CYFIP2: variants seen among roughly 807,000 people sequenced by gnomAD.
The protein encoded by CYFIP2 is cytoplasmic FMR1-interacting protein 2.
A neutral mutation model predicts 158.7 loss-of-function variants in CYFIP2; 29 were observed. The observed-to-expected ratio is 0.18, with a 90% CI of 0.14 to 0.25. CYFIP2 has a LOEUF of 0.25. Ranked by LOEUF, CYFIP2 falls within the 10% of genes least tolerant of loss-of-function variation. The probability of loss-of-function intolerance (pLI) is 1.00; values close to 1 mark genes in which losing one functional copy is unlikely to be tolerated. For synonymous variants in CYFIP2, 585 were observed against 617.6 expected (o/e 0.95, Z 0.78); for missense variants, 852 against 1,639.5 (o/e 0.52, Z 8.29).
Position 157,368,021 on chromosome 5 carries a change from G to A in CYFIP2, c.3039+6423G>A, listed in dbSNP as rs112377956. On this transcript the variant is annotated intron_variant, in intron 26 of 30. Transcript: ENST00000620254. ...GATCTGCCCACCTCGGCCTCCCGAA[G>A]TGCTGGGATTACAGGCATGAGCCAC... Among the ~76,000 whole-genome samples the A allele has an allele frequency of 1.7e-3, 252 of 152,092 alleles. 1 individual carries two copies. Among genetic ancestry groups the A allele is most frequent in the African/African-American group, 5.8e-3 (239 of 41,474 alleles).
intron 26 of CYFIP2, among the ~76,000 whole-genome samples, chr5:157,372,408 A>G (rs901037363): frequency 2.0e-5 from 3 of 152,146 alleles, no homozygotes; most frequent in Non-Finnish European, 4.4e-5. Flanking sequence ...GGTTATAAGG[A>G]TATTCATTAT....
chr5:157,385,199 G>A (rs910892652), intron 28 of CYFIP2, among the ~76,000 whole-genome samples: 1 of 152,204 alleles, frequency 6.6e-6, no homozygotes, highest in Non-Finnish European at 1.5e-5. Flanking sequence ...TCCACTTAGA[G>A]GACTGTGAAT....
chr5:157,382,671 C>G lies in CYFIP2; in HGVS notation c.3112+9C>G. On this transcript the variant is annotated intron_variant, in intron 27 of 30. Transcript: ENST00000620254. Reference sequence around the variant, plus strand: ...TAGAGTCTACATCAAAGGTAAGAAACCACTACAGCAGCTGAATAGCCAACT... The same window carrying G: ...TAGAGTCTACATCAAAGGTAAGAAAGCACTACAGCAGCTGAATAGCCAACT... 6.2e-7 allele frequency: 1 copy of G among 1,613,486 alleles called. No individual in the cohort carries two copies. The highest frequency in any genetic ancestry group is 8.5e-7 in the Non-Finnish European group (1 of 1,179,570).
intron 26 of CYFIP2, among the ~76,000 whole-genome samples, chr5:157,368,653 T>C (rs113484263): frequency 1.3e-3 from 159 of 117,800 alleles, no homozygotes; most frequent in African/African-American, 5.0e-3. Context: ...TTTTCAGAAA[T>C]GGCCTTATCT....
At chr5:157,367,996 G>C (rs1250967039) in intron 26 of CYFIP2, among the ~76,000 whole-genome samples, 1 of 151,958 alleles carries the variant, frequency 6.6e-6, no homozygotes, top group Non-Finnish European at 1.5e-5. Context: ...GACCTCAAGT[G>C]ATCTGCCCAC....
intron 23 of CYFIP2, chr5:157,343,158 C>A: frequency 6.2e-7 from 1 of 1,614,190 alleles, no homozygotes. Context: ...AAGGCCAAGA[C>A]GGCTGTGAAG....
chr5:157,341,031 G>T, intron 22 of CYFIP2, 39 bp from the exon 23 acceptor site: 2 of 1,563,596 alleles, frequency 1.3e-6, no homozygotes, highest in South Asian at 2.2e-5. Context: ...ATAATATTAG[G>T]ACCATATTAA....
At chr5:157,369,906 G>A (rs1213742924) in intron 26 of CYFIP2, among the ~76,000 whole-genome samples, 4 of 76,118 alleles carry the variant, frequency 5.3e-5, no homozygotes, top group East Asian at 4.4e-4. Context: ...TTTAAAGACA[G>A]AGTCTTGCTC....
intron 30 of CYFIP2, among the ~76,000 whole-genome samples, chr5:157,391,551 G>A (rs1164777795): frequency 2.6e-5 from 4 of 152,026 alleles, no homozygotes; most frequent in Admixed American, 6.6e-5. Context: ...TTGTCTTTTC[G>A]TGACTGGCTT....
At chr5:157,332,125 T>G (rs527355650) in intron 20 of CYFIP2, among the ~76,000 whole-genome samples, 17 of 152,216 alleles carry the variant, frequency 1.1e-4, no homozygotes, top group Admixed American at 5.9e-4. Flanking sequence ...GGGCTAAATT[T>G]GGGATGTCAG....
At chr5:157,341,454 A>G (rs763245969) in intron 23 of CYFIP2, 20 of 360,180 alleles carry the variant, frequency 5.6e-5, no homozygotes, top group Non-Finnish European at 9.4e-5. Flanking sequence ...TGGAAGGCTA[A>G]GGCAGGGGGA....
At chr5:157,349,309 T>TG (rs1200289915) in intron 23 of CYFIP2, among the ~76,000 whole-genome samples, 6 of 152,184 alleles carry the variant, frequency 3.9e-5, no homozygotes, top group African/African-American at 1.4e-4. Flanking sequence ...ATTCATTGTA[T>TG]CATTCTTAAT....
chr5:157,301,734 G>T (rs1213285291), intron 6 of CYFIP2, among the ~76,000 whole-genome samples: 2 of 152,066 alleles, frequency 1.3e-5, no homozygotes, highest in Admixed American at 1.3e-4. Flanking sequence ...TTCAAGACCA[G>T]CCTGGAAACC....
chr5:157,324,040 G>C lies in CYFIP2; in HGVS notation c.1791G>C (p.Gln597His), dbSNP rs1760815478. 3 of 1,613,746 alleles carry C rather than the reference G, an allele frequency of 1.9e-6. No homozygotes were observed. The highest frequency in any genetic ancestry group is 2.5e-6 in the Non-Finnish European group (3 of 1,179,818). Residue 597 changes from glutamine (Q) to histidine (H), a missense_variant, in exon 16 of 31, where the codon CAG becomes CAC. Coordinates refer to ENST00000620254, the MANE Select transcript of CYFIP2 (RefSeq NM_001037333.3). ...TCGCCATAGAGGACTTTCACAAACA[G>C]TCCTTCTTCTTCACACATCTGCTCA... is the stretch of plus-strand genomic sequence containing the variant. The part of the protein sequence containing the change: ...IVLAIEDFHK[Q>H]SFFFTHLLNI...
chr5:157,310,944 T>G, intron 10 of CYFIP2: 1 of 454,966 alleles, frequency 2.2e-6, no homozygotes, highest in South Asian at 1.6e-5. Flanking sequence ...AGTGGTCCTT[T>G]TTCTCTTGGG....
chr5:157,381,910 CT>C, intron 26 of CYFIP2, among the ~76,000 whole-genome samples: 1 of 150,746 alleles, frequency 6.6e-6, no homozygotes. Flanking sequence ...GACTCCTTCC[CT>C]CCCCTTTGTT....
chr5:157,312,550 A>G (rs549497542), intron 11 of CYFIP2, among the ~76,000 whole-genome samples: 1 of 152,354 alleles, frequency 6.6e-6, no homozygotes, highest in African/African-American at 2.4e-5. Flanking sequence ...TTCCTTTATT[A>G]CATAGCACTC....
Position 157,342,646 on chromosome 5 carries a change from C to A in CYFIP2, c.2673+1489C>A, listed in dbSNP as rs145666296. ...AACTGTGTCCTCCGAGTGGACGCTGCTGCTGAGATGCCTCGTTTGTGCCTT... is the reference window on the plus strand; with the variant it reads ...AACTGTGTCCTCCGAGTGGACGCTGATGCTGAGATGCCTCGTTTGTGCCTT... On this transcript the variant is annotated intron_variant, in intron 23 of 30. Transcript: ENST00000620254. 471 of 502,428 alleles carry A rather than the reference C, an allele frequency of 9.4e-4. 2 individuals carry two copies. The highest frequency in any genetic ancestry group is 3.9e-3 in the African/African-American group (207 of 52,924). The allele number at this position is 502,428 out of a possible 1,614,324, so 31.1% of individuals were successfully genotyped here.
intron 23 of CYFIP2, among the ~76,000 whole-genome samples, chr5:157,351,690 T>G (rs1763083996): frequency 6.6e-6 from 1 of 152,192 alleles, no homozygotes; most frequent in Non-Finnish European, 1.5e-5. Context: ...GCTGGCCTCT[T>G]TGATGCTCTG....
Sources: gnomAD v4.1 joint callset for allele counts (sites outside exome capture counted in the v4.1 genomes callset) on GRCh38, gnomAD v4.1.1 for gene constraint, MANE v1.5 for transcripts, NCBI Gene and HGNC (gene_info 2026-07-23, HGNC 2026-07-21) for gene names.